GABRB3: variants seen among roughly 807,000 people sequenced by gnomAD.
The protein encoded by GABRB3 is gamma-aminobutyric acid type A receptor subunit beta3.
Under a neutral mutation model 52.1 loss-of-function variants are expected in GABRB3, and 14 were observed. That is an observed-to-expected ratio of 0.27 (90% confidence interval 0.18 to 0.42). GABRB3 has a LOEUF of 0.42. Among genes scored for constraint, GABRB3 ranks in the 10% least tolerant of loss-of-function variants. GABRB3 has a pLI of 1.00. For synonymous variants in GABRB3, 260 were observed against 232.3 expected, an observed-to-expected ratio of 1.12 and a Z score of -1.08; for missense variants, 307 against 609.1, an observed-to-expected ratio of 0.50 and a Z score of 5.22.
At chr15:26,668,860 C>G (rs185145655) in intron 3 of GABRB3, among the ~76,000 whole-genome samples, 1 of 152,262 alleles carries the variant, frequency 6.6e-6, no homozygotes, top group Non-Finnish European at 1.5e-5. Context: ...GAAGCATAAA[C>G]AAAGTTTAAA....
intron 6 of GABRB3, among the ~76,000 whole-genome samples, chr15:26,573,531 A>G (rs1356688408): frequency 6.6e-6 from 1 of 152,176 alleles, no homozygotes; most frequent in African/African-American, 2.4e-5. Context: ...TGTTTCAACA[A>G]TCCAGCCTCT....
chr15:26,626,255 TCTGA>T (rs1892688013), intron 3 of GABRB3, among the ~76,000 whole-genome samples: 2 of 152,198 alleles, frequency 1.3e-5, no homozygotes, highest in African/African-American at 2.4e-5. Context: ...TTGTGTGTCC[TCTGA>T]CTGATCTACC....
At chr15:26,654,002 A>C (rs932855032) in intron 3 of GABRB3, among the ~76,000 whole-genome samples, 1 of 152,234 alleles carries the variant, frequency 6.6e-6, no homozygotes, top group South Asian at 2.1e-4. Flanking sequence ...TAAAACAATA[A>C]ATCCCAAATG....
At chr15:26,676,274 C>T (rs577798514) in intron 3 of GABRB3, among the ~76,000 whole-genome samples, 1 of 152,220 alleles carries the variant, frequency 6.6e-6, no homozygotes, top group Non-Finnish European at 1.5e-5. Context: ...ATATCTGCGG[C>T]TCCCCCCAGG....
rs57044167 is a variant in GABRB3 at position 26,709,515 on chromosome 15, C to CT, written c.240+62886dup. ...TAAACCTCTTTTCTTTTTTTTCTTT[C>CT]TTTTTTTTTTTTTTTTTTTTTTGAG... On this transcript the variant is annotated intron_variant, in intron 3 of 8. Transcript: ENST00000311550. 5.7e-3 allele frequency among the ~76,000 whole-genome samples: 527 copies of CT among 91,978 alleles called. 17 individuals are homozygous for CT. The highest frequency in any genetic ancestry group is 0.017 in the African/African-American group (459 of 26,542). 60.3% of individuals were successfully genotyped at this position (91,978 alleles called of 152,430 possible). A position where few individuals can be genotyped will look rare whatever the true frequency, so the allele number is the denominator to read the frequency against.
chr15:26,647,972 T>A (rs1887066095), intron 3 of GABRB3, among the ~76,000 whole-genome samples: 1 of 152,214 alleles, frequency 6.6e-6, no homozygotes, highest in Non-Finnish European at 1.5e-5. Context: ...CTTACTTTTT[T>A]AAACCAATTG....
chr15:26,678,997 A>T (rs1244734496), intron 3 of GABRB3, among the ~76,000 whole-genome samples: 9 of 152,090 alleles, frequency 5.9e-5, no homozygotes. Context: ...GCAAAGACCC[A>T]CAGGGCAGGG....
chr15:26,640,297 C>T (rs1893165840), intron 3 of GABRB3, among the ~76,000 whole-genome samples: 1 of 152,084 alleles, frequency 6.6e-6, no homozygotes, highest in African/African-American at 2.4e-5. Context: ...GCAGGCAGAT[C>T]ACGAGGTCAG....
intron 8 of GABRB3, among the ~76,000 whole-genome samples, chr15:26,559,274 C>G (rs1443066816): frequency 2.0e-5 from 3 of 152,194 alleles, no homozygotes; most frequent in Non-Finnish European, 4.4e-5. Context: ...TCCCCTCCTC[C>G]TTGTTCCTAC....
At chr15:26,560,216 C>T (rs907127121) in intron 8 of GABRB3, among the ~76,000 whole-genome samples, 2 of 152,212 alleles carry the variant, frequency 1.3e-5, no homozygotes, top group Admixed American at 6.5e-5. Context: ...AACCCTGTGA[C>T]ATGCACAAGG....
At chr15:26,650,558 C>T (rs1887164220) in intron 3 of GABRB3, among the ~76,000 whole-genome samples, 1 of 151,966 alleles carries the variant, frequency 6.6e-6, no homozygotes. Context: ...CCCAGTGAAG[C>T]CCCACCTCCA....
chr15:26,758,210 C>T (rs1390197282), intron 3 of GABRB3, among the ~76,000 whole-genome samples: 2 of 152,060 alleles, frequency 1.3e-5, no homozygotes, highest in East Asian at 1.9e-4. Context: ...ACTGACGGTT[C>T]CTATTAATAT....
At chr15:26,627,555 G>C (rs1443463741) in intron 3 of GABRB3, among the ~76,000 whole-genome samples, 1 of 151,834 alleles carries the variant, frequency 6.6e-6, no homozygotes, top group Admixed American at 6.6e-5. Flanking sequence ...GAGTTTGGAA[G>C]ATGTGGATTC....
chr15:26,649,179 C>T (rs2162242), intron 3 of GABRB3, among the ~76,000 whole-genome samples: 126,596 of 152,162 alleles, frequency 0.83, 53,133 homozygotes, highest in East Asian at 1. Flanking sequence ...GCCTAATCAC[C>T]TTGGTGATAG....
rs868129110 is a variant in GABRB3, at chr15:26,752,247, T to G, written c.240+20155A>C. 9.5e-3 allele frequency among the ~76,000 whole-genome samples: 1,400 copies of G among 146,904 alleles called. 14 individuals are homozygous for G. Among genetic ancestry groups the G allele is most frequent in the African/African-American group, 0.034 (1,313 of 38,912 alleles). On this transcript the variant is annotated intron_variant, in intron 3 of 8. Transcript: ENST00000311550. Reference sequence around the variant, plus strand: ...CTCTTTATTTTATTTATTTATTTATTTATTTATTTATTTATTTATTTATTT... The same window carrying G: ...CTCTTTATTTTATTTATTTATTTATGTATTTATTTATTTATTTATTTATTT...
chr15:26,729,517 T>C (rs1889854755), intron 3 of GABRB3, among the ~76,000 whole-genome samples: 1 of 152,204 alleles, frequency 6.6e-6, no homozygotes, highest in African/African-American at 2.4e-5. Context: ...CTGCAGACTT[T>C]GCACACAACC....
At chr15:26,698,217 C>T (rs1184705643) in intron 3 of GABRB3, among the ~76,000 whole-genome samples, 2 of 152,196 alleles carry the variant, frequency 1.3e-5, no homozygotes, top group Non-Finnish European at 2.9e-5. Flanking sequence ...CGTCATTAGC[C>T]TCTTTGCCTC....
chr15:26,703,912 A>G (rs915179520), intron 3 of GABRB3, among the ~76,000 whole-genome samples: 2 of 152,138 alleles, frequency 1.3e-5, no homozygotes, highest in Non-Finnish European at 2.9e-5. Context: ...GCTCTCATAC[A>G]TTCAAGTCAA....
At chr15:26,670,500 A>G (rs1887863738) in intron 3 of GABRB3, among the ~76,000 whole-genome samples, 1 of 152,078 alleles carries the variant, frequency 6.6e-6, no homozygotes, top group Admixed American at 6.5e-5. Flanking sequence ...GAAGGGAGGA[A>G]GGGAAGAGAA....
Sources: allele counts gnomAD v4.1 joint callset (sites outside exome capture counted in the v4.1 genomes callset), GRCh38; gene constraint gnomAD v4.1.1; transcripts MANE v1.5; gene names NCBI Gene and HGNC (gene_info 2026-07-23, HGNC 2026-07-21).